DOCK1: variants seen among roughly 807,000 people sequenced by gnomAD.
DOCK1 encodes the protein dedicator of cytokinesis 1, also known as dedicator of cytokinesis protein 1.
A neutral mutation model predicts 262.7 loss-of-function variants in DOCK1; 138 were observed. That is an observed-to-expected ratio of 0.53 (90% CI 0.46 to 0.61). The LOEUF (loss-of-function observed/expected upper bound fraction) is 0.61. Among genes scored for constraint, DOCK1 ranks in the 20% least tolerant of loss-of-function variants. The pLI is 0.00. For synonymous variants in DOCK1, 866 were observed against 867.4 expected, an observed-to-expected ratio of 1.00 and a Z score of 0.03; for missense variants, 1,908 against 2,370.7, an observed-to-expected ratio of 0.80 and a Z score of 4.05.
intron 29 of DOCK1, among the ~76,000 whole-genome samples, chr10:127,264,308 A>G (rs1268512703): frequency 1.3e-5 from 2 of 152,158 alleles, no homozygotes; most frequent in Non-Finnish European, 2.9e-5. Flanking sequence ...GTAGTTTGCA[A>G]CTGTGATTAT....
chr10:127,244,921 A>C (rs1209380373), intron 27 of DOCK1, among the ~76,000 whole-genome samples: 1 of 152,200 alleles, frequency 6.6e-6, no homozygotes, highest in East Asian at 1.9e-4. Context: ...AAATGCATTT[A>C]AAATAAATCA....
intron 23 of DOCK1, among the ~76,000 whole-genome samples, chr10:127,086,616 TA>T (rs1045034386): frequency 3.9e-5 from 6 of 151,964 alleles, no homozygotes. Flanking sequence ...AACAGTTAAT[TA>T]AAAAAAACTG....
intron 44 of DOCK1, among the ~76,000 whole-genome samples, 156 bp downstream of exon 44, chr10:127,415,394 A>G (rs977098267): frequency 5.3e-5 from 8 of 152,272 alleles, no homozygotes; most frequent in Non-Finnish European, 1.2e-4. Flanking sequence ...TCTTGAGAGC[A>G]TCGATATCTC....
chr10:127,106,810 A>C (rs538983844), intron 24 of DOCK1, among the ~76,000 whole-genome samples: 52 of 152,252 alleles, frequency 3.4e-4, no homozygotes, highest in Non-Finnish European at 4.7e-4. Context: ...GGGCTTTCAG[A>C]CCAAGGAGTG....
chr10:127,156,874 A>G (rs2053138753), intron 27 of DOCK1, among the ~76,000 whole-genome samples: 1 of 152,080 alleles, frequency 6.6e-6, no homozygotes, highest in Non-Finnish European at 1.5e-5. Context: ...GGCCCGAGAT[A>G]TTGCTCTTCT....
chr10:127,309,489 G>T (rs182310296), intron 29 of DOCK1, among the ~76,000 whole-genome samples: 36 of 152,218 alleles, frequency 2.4e-4, no homozygotes, highest in African/African-American at 8.2e-4. Context: ...GTTGCTTTTG[G>T]CATTTTGATC....
intron 28 of DOCK1, among the ~76,000 whole-genome samples, chr10:127,255,896 AG>A (rs1413035252): frequency 6.6e-6 from 1 of 152,242 alleles, no homozygotes; most frequent in Non-Finnish European, 1.5e-5. Context: ...CTCTTGACAA[AG>A]TGAGGAAACT....
intron 26 of DOCK1, among the ~76,000 whole-genome samples, chr10:127,127,062 A>G (rs2133094735): frequency 1.3e-5 from 2 of 152,306 alleles, no homozygotes; most frequent in East Asian, 3.9e-4. Context: ...AGCTTGGGGT[A>G]AGAGCTTGTA....
At chr10:127,409,435 G>A (rs138947521) in intron 42 of DOCK1, 44 bp downstream of exon 42, 105 of 1,584,384 alleles carry the variant, frequency 6.6e-5, no homozygotes, top group Non-Finnish European at 8.3e-5. Flanking sequence ...GTTGTAAGAG[G>A]CTGTGTACAG....
At chr10:127,088,368 C>T (rs181467543) in intron 23 of DOCK1, among the ~76,000 whole-genome samples, 77 of 152,264 alleles carry the variant, frequency 5.1e-4, no homozygotes, top group Non-Finnish European at 8.8e-4. Flanking sequence ...ATGTCATTCC[C>T]GTGCTTGTGT....
intron 1 of DOCK1, among the ~76,000 whole-genome samples, chr10:126,961,811 G>A (rs1024356268): frequency 0.059 from 8,995 of 152,226 alleles, 308 homozygotes; most frequent in African/African-American, 0.078. Flanking sequence ...GAACATGGAT[G>A]TGCAAATATC....
chr10:127,241,408 TTTTG>T (rs1482025604), intron 27 of DOCK1, among the ~76,000 whole-genome samples: 4 of 152,102 alleles, frequency 2.6e-5, no homozygotes, highest in African/African-American at 9.7e-5. Context: ...TGGGTTCTGT[TTTTG>T]TTTGTTTGGG....
intron 1 of DOCK1, among the ~76,000 whole-genome samples, chr10:126,969,871 C>T (rs574074554): frequency 5.7e-4 from 87 of 152,248 alleles, no homozygotes; most frequent in African/African-American, 1.9e-3. Flanking sequence ...TGCATAGCCT[C>T]GCCTGGCTGG....
intron 27 of DOCK1, among the ~76,000 whole-genome samples, chr10:127,195,799 C>T (rs2057086623): frequency 6.6e-6 from 1 of 152,156 alleles, no homozygotes; most frequent in Admixed American, 6.5e-5. Context: ...TGCCCCCCAC[C>T]TGCGACCGCA....
At chr10:127,403,938 C>T (rs547869355) in intron 39 of DOCK1, among the ~76,000 whole-genome samples, 31 of 152,274 alleles carry the variant, frequency 2.0e-4, no homozygotes, top group Admixed American at 1.3e-3. Flanking sequence ...TAGAACAGAA[C>T]GATTCTGTTC....
chr10:127,105,457 T>A (rs1211604538), intron 23 of DOCK1, among the ~76,000 whole-genome samples: 1 of 152,190 alleles, frequency 6.6e-6, no homozygotes, highest in Non-Finnish European at 1.5e-5. Flanking sequence ...TTAAAATATA[T>A]GCAGATATAC....
intron 32 of DOCK1, 95 bp downstream of exon 32, chr10:127,354,822 T>C: frequency 6.9e-7 from 1 of 1,452,134 alleles, no homozygotes; most frequent in African/African-American, 1.4e-5. Context: ...TGTCTTAAGA[T>C]CTTAATGGCT....
chr10:127,059,310 A>G (rs2135802455), intron 22 of DOCK1, among the ~76,000 whole-genome samples: 1 of 152,198 alleles, frequency 6.6e-6, no homozygotes, highest in Non-Finnish European at 1.5e-5. Context: ...TTTATCCTGC[A>G]TTGAATTTCT....
intron 27 of DOCK1, among the ~76,000 whole-genome samples, chr10:127,156,155 A>G (rs1000321769): frequency 2.6e-5 from 4 of 152,188 alleles, no homozygotes; most frequent in Admixed American, 2.6e-4. Context: ...AATGTCTATC[A>G]AGCCTCATCA....
Sources: allele counts gnomAD v4.1 joint callset (sites outside exome capture counted in the v4.1 genomes callset), GRCh38; gene constraint gnomAD v4.1.1; transcripts MANE v1.5; gene names NCBI Gene and HGNC (gene_info 2026-07-23, HGNC 2026-07-21).